The following NBPF3 variants were observed in gnomAD, a reference collection of about 807,000 sequenced individuals.
The protein encoded by NBPF3 is NBPF member 3.
In NBPF3, 57 loss-of-function variants were observed where a neutral mutation model predicts 78.1. The observed-to-expected ratio is 0.73, with a 90% CI of 0.59 to 0.91. The LOEUF is 0.91. NBPF3 is among the 40% of genes least tolerant of loss of function. NBPF3 has a pLI of 0.00. For synonymous variants in NBPF3, 182 were observed against 271.7 expected (o/e 0.67, Z 3.25); for missense variants, 510 against 715.3 (o/e 0.71, Z 3.27).
At chr1:21,450,496 A>G (rs559728325) in intron 2 of NBPF3, among the ~76,000 whole-genome samples, 1 of 152,266 alleles carries the variant, frequency 6.6e-6, no homozygotes, top group African/African-American at 2.4e-5. Context: ...TAACATCATA[A>G]TCACAGGAAT....
chr1:21,437,452 G>T, upstream of NBPF3: 2 of 1,430,260 alleles, frequency 1.4e-6, no homozygotes, highest in South Asian at 2.5e-5. Context: ...TGCGGGACAA[G>T]ACCGAGGGCA....
At position 21,445,121 on chromosome 1, in the gene NBPF3, G is replaced by C. The variant is rs1558473774; in HGVS notation, c.35G>C (p.Trp12Ser). The C allele has an allele frequency of 1.2e-6, 2 of 1,611,852 alleles. No individual in the cohort carries two copies. Among genetic ancestry groups the C allele is most frequent in the Non-Finnish European group, 1.7e-6 (2 of 1,179,794 alleles). Residue 12 changes from tryptophan to serine, a missense_variant, in exon 2 of 15, where the codon TGG becomes TCG. Coordinates refer to ENST00000318249, the MANE Select transcript of NBPF3 (RefSeq NM_032264.6). ...PLTPTVQGFQ[W>S]TLRGPDVETS... ...ACTCCCACTGTCCAGGGCTTCCAGT[G>C]GACTCTCCGAGGCCCTGATGTAGAA... is the stretch of plus-strand genomic sequence containing the variant.
intron 2 of NBPF3, among the ~76,000 whole-genome samples, chr1:21,461,641 T>C (rs943946271): frequency 6.6e-5 from 10 of 152,260 alleles, no homozygotes; most frequent in Admixed American, 1.3e-4. Flanking sequence ...TTTTGTATTT[T>C]CAGTAGAGGC....
intron 4 of NBPF3, 140 bp downstream of exon 4, chr1:21,470,874 AT>A: frequency 5.4e-6 from 3 of 554,206 alleles, no homozygotes; most frequent in Non-Finnish European, 1.0e-5. Context: ...ACACACAAAG[AT>A]TTATCAAGCA....
chr1:21,474,304 A>G (rs1316323316), intron 7 of NBPF3, among the ~76,000 whole-genome samples: 1 of 151,698 alleles, frequency 6.6e-6, no homozygotes, highest in Non-Finnish European at 1.5e-5. Flanking sequence ...CCCAGGTTCA[A>G]GTGATTCTCC....
At position 21,468,897 on chromosome 1, in the gene NBPF3, G is replaced by A. The variant is rs1468847158; in HGVS notation, c.343G>A (p.Asp115Asn). 15 of 1,609,784 alleles carry A rather than the reference G, an allele frequency of 9.3e-6. No homozygotes were observed. The highest frequency in any genetic ancestry group is 5.4e-5 in the African/African-American group (4 of 74,746). Residue 115 changes from aspartate to asparagine, a missense_variant and splice_region_variant, in exon 3 of 15, where the codon GAC becomes AAC. By Grantham distance (23) the Asp-to-Asn change is conservative. Coordinates refer to ENST00000318249, the MANE Select transcript of NBPF3 (RefSeq NM_032264.6). ...CCTGGCCAACCGGCAAAATAATTAC[G>A]GTAAGTTCTATAGGCTCACCATCAC... ...YFLANRQNNY[D>N]YEDCKDLIKS...
At chr1:21,456,418 C>T (rs961852898) in intron 2 of NBPF3, among the ~76,000 whole-genome samples, 3 of 152,134 alleles carry the variant, frequency 2.0e-5, no homozygotes, top group African/African-American at 7.2e-5. Context: ...TAAAATTATA[C>T]ACTTTAATTA....
In NBPF3 at chr1:21,445,028, C is replaced by G. The variant is rs1200620532; in HGVS notation, c.-59C>G. 9 of 1,547,244 alleles carry G rather than the reference C, an allele frequency of 5.8e-6. No individual in the cohort carries two copies. Among genetic ancestry groups the G allele is most frequent in the African/African-American group, 1.4e-5 (1 of 72,720 alleles). On this transcript the variant is annotated 5_prime_UTR_variant, in exon 2 of 15. Coordinates refer to ENST00000318249, the MANE Select transcript of NBPF3 (RefSeq NM_032264.6). ...CTCTCACCAGCCAATTGTCCCTTGC[C>G]GTCCTCCTGAGGGTATCTGGAGCTT...
In NBPF3 at chr1:21,466,989, T is replaced by C. The variant is rs542711851; in HGVS notation, c.134-1699T>C. On this transcript the variant is annotated intron_variant, in intron 2 of 14. Transcript: ENST00000318249. Reference sequence around the variant, plus strand: ...TGAATAATTACTGTGATTGCTTTTATTGGCAGTGCTGAAAACTCACCCCTG... The same window carrying C: ...TGAATAATTACTGTGATTGCTTTTACTGGCAGTGCTGAAAACTCACCCCTG... The C allele has an allele frequency of 1.5e-4, 148 of 984,164 alleles. 1 individual carries two copies. In the African/African-American group the frequency reaches 2.5e-3, roughly 17 times the overall value. 61.0% of individuals were successfully genotyped at this position (984,164 alleles called of 1,614,324 possible).
upstream of NBPF3, among the ~76,000 whole-genome samples, chr1:21,438,309 T>TC (rs1640469517): frequency 6.6e-6 from 1 of 151,916 alleles, no homozygotes; most frequent in Non-Finnish European, 1.5e-5. Context: ...GACGGGGGTT[T>TC]CACCATGTTG....
chr1:21,438,730 A>T (rs1163885118), upstream of NBPF3, among the ~76,000 whole-genome samples: 1 of 152,104 alleles, frequency 6.6e-6, no homozygotes, highest in African/African-American at 2.4e-5. Context: ...AACTTAAATG[A>T]CCTGCACAGT....
intron 8 of NBPF3, among the ~76,000 whole-genome samples, chr1:21,477,701 T>A (rs1183264403): frequency 9.2e-5 from 14 of 151,826 alleles, no homozygotes; most frequent in Admixed American, 9.2e-4. Flanking sequence ...GCAAAGAAAT[T>A]GAAAAAATAA....
chr1:21,457,184 G>A (rs1369150411), intron 2 of NBPF3, among the ~76,000 whole-genome samples: 1 of 151,612 alleles, frequency 6.6e-6, no homozygotes, highest in African/African-American at 2.4e-5. Flanking sequence ...GTGTGTGTGT[G>A]TGTGTATGTA....
chr1:21,482,241 T>C (rs1643274036), intron 13 of NBPF3, among the ~76,000 whole-genome samples: 1 of 147,122 alleles, frequency 6.8e-6, no homozygotes, highest in African/African-American at 2.6e-5. Flanking sequence ...TTGCACAAAC[T>C]TGGGACAAAT....
intron 1 of NBPF3, among the ~76,000 whole-genome samples, chr1:21,441,288 T>G (rs1169110193): frequency 6.6e-6 from 1 of 152,228 alleles, no homozygotes; most frequent in African/African-American, 2.4e-5. Flanking sequence ...TTAGTAAAAT[T>G]TCACTAGTGA....
chr1:21,474,898 A>G lies in NBPF3; in HGVS notation c.941-2A>G. 6.2e-7 allele frequency: 1 copy of G among 1,600,934 alleles called. No homozygotes were observed. The highest frequency in any genetic ancestry group is 8.5e-7 in the Non-Finnish European group (1 of 1,171,112). On this transcript the variant is annotated splice_acceptor_variant, in intron 7 of 14. Transcript: ENST00000318249. LOFTEE classifies it high-confidence loss of function. Reference sequence around the variant, plus strand: ...GACCTGCTTCTCTGAATTTATTTCCAGAAAATGAAAGTGATCATGAGCAAG... The same window carrying G: ...GACCTGCTTCTCTGAATTTATTTCCGGAAAATGAAAGTGATCATGAGCAAG...
At chr1:21,470,775 TAA>T (rs972212491) in intron 4 of NBPF3, 41 bp downstream of exon 4, 41 of 1,377,120 alleles carry the variant, frequency 3.0e-5, no homozygotes, top group Non-Finnish European at 4.0e-5. Flanking sequence ...GGCAGGTGTG[TAA>T]ATATCTGAAG....
chr1:21,478,730 C>T (rs1383455506), intron 9 of NBPF3, among the ~76,000 whole-genome samples: 2 of 152,218 alleles, frequency 1.3e-5, no homozygotes, highest in Non-Finnish European at 2.9e-5. Context: ...GCCAGTGTCA[C>T]CCTTGTCTAC....
intron 2 of NBPF3, among the ~76,000 whole-genome samples, chr1:21,461,213 G>C (rs1641929835): frequency 7.3e-6 from 1 of 136,740 alleles, no homozygotes; most frequent in Non-Finnish European, 1.6e-5. Context: ...CGTAGCTATA[G>C]AGACCCAGGA....
Sources: allele counts gnomAD v4.1 joint callset (sites outside exome capture counted in the v4.1 genomes callset), GRCh38; gene constraint gnomAD v4.1.1; transcripts MANE v1.5; gene names NCBI Gene and HGNC (gene_info 2026-07-23, HGNC 2026-07-21).